BAHD1: variants seen among roughly 807,000 people sequenced by gnomAD.
BAHD1 encodes bromo adjacent homology domain-containing 1 protein.
BAHD1 carries 20 observed loss-of-function variants against 63.1 expected under a neutral mutation model. The observed-to-expected ratio is 0.32, with a 90% confidence interval of 0.22 to 0.46. The LOEUF is 0.46. Ranked by LOEUF, BAHD1 falls within the 20% of genes least tolerant of loss-of-function variation. The pLI is 1.00. For synonymous variants in BAHD1, 408 were observed against 426.8 expected (o/e 0.96, Z 0.54); for missense variants, 939 against 1,071.8 (o/e 0.88, Z 1.73).
At chr15:40,439,142 CTTTGGGGT>C (rs1367132200), upstream of BAHD1, among the ~76,000 whole-genome samples, 1 of 152,240 alleles carries the variant, frequency 6.6e-6, no homozygotes, top group Non-Finnish European at 1.5e-5. Context: ...ACTTTTACAG[CTTTGGGGT>C]TTTGCTTTCC....
chr15:40,459,524 C>T lies in BAHD1; in HGVS notation c.1060C>T (p.Pro354Ser). 6.2e-7 allele frequency: 1 copy of T among 1,614,098 alleles called. No homozygotes were observed. ...QPSFPTPQLS[P>S]LPMPGNPADY... is the part of the protein sequence containing the mutation. The stretch of plus-strand genomic sequence containing the variant: ...CTCTTTCCCCACACCTCAGCTGTCG[C>T]CGCTGCCGATGCCTGGCAACCCCGC... Residue 354 changes from proline (P) to serine (S), a missense_variant, in exon 2 of 7, where the codon CCG becomes TCG. This residue lies in a region of BAHD1 where 797 missense variants were observed against 813.3 expected (regional missense o/e 0.98). Coordinates refer to ENST00000416165, the MANE Select transcript of BAHD1 (RefSeq NM_014952.5).
chr15:40,458,361 A>G lies in BAHD1; in HGVS notation c.-14-90A>G. ...GGTAGTTGTAGGCCAGGATCACTGC[A>G]CCTGGGGCTGGGTAGGCTGCAGTGG... On this transcript the variant is annotated intron_variant, in intron 1 of 6. Transcript: ENST00000416165. This position sits in a 1 kb window ranked among gnomAD's most constrained non-coding sequence, Gnocchi z 4.7. 1.3e-6 allele frequency: 2 copies of G among 1,482,386 alleles called. No homozygotes were observed. Among genetic ancestry groups the G allele is most frequent in the Admixed American group, 4.6e-5 (2 of 43,316 alleles). The allele number at this position is 1,482,386 out of a possible 1,614,324, so 91.8% of individuals were successfully genotyped here.
chr15:40,457,743 C>G (rs1439127426), intron 1 of BAHD1, among the ~76,000 whole-genome samples: 1 of 152,246 alleles, frequency 6.6e-6, no homozygotes, highest in Non-Finnish European at 1.5e-5. Flanking sequence ...GGGGCAGTGG[C>G]TCACGCCTGT....
At chr15:40,439,771 C>A (rs1893350482), upstream of BAHD1, 1 of 152,322 alleles carries the variant, frequency 6.6e-6, no homozygotes, top group Non-Finnish European at 1.5e-5. Flanking sequence ...AAGTCCTAGG[C>A]GGGCTCTGGC....
rs773337252 is a variant in BAHD1, at chr15:40,458,807, C to T, written c.343C>T (p.Arg115Cys). The T allele has an allele frequency of 3.7e-6, 6 of 1,612,814 alleles. No homozygotes were observed. Among genetic ancestry groups the T allele is most frequent in the East Asian group, 2.2e-5 (1 of 44,888 alleles). The change falls in exon 2 of 7, where the codon CGC becomes TGC. Residue 115 changes from arginine (R) to cysteine (C), a missense_variant. Around this residue, in one of 5 missense-constraint regions of BAHD1, gnomAD observed 797 missense variants for 813.3 expected, o/e 0.98. Transcript: ENST00000416165. The surrounding 1 kb of genome is among the most constrained non-coding windows in gnomAD (Gnocchi z 4.7). ...SSEDPGLAQP[R>C]KRRLASLNAE... ...TGAAGACCCTGGCCTTGCCCAGCCCCGCAAGCGGCGCCTGGCCTCCCTCAA... is the reference window on the plus strand; with the variant it reads ...TGAAGACCCTGGCCTTGCCCAGCCCTGCAAGCGGCGCCTGGCCTCCCTCAA...
chr15:40,459,846 A>C lies in BAHD1; in HGVS notation c.1382A>C (p.His461Pro), dbSNP rs1296633420. ...GGAGTGTTGCCCCTGTCTGTTACCC[A>C]CGCTGGCACTACCTGTGGCGGCTGC... is the stretch of plus-strand genomic sequence containing the variant. The part of the protein sequence containing the change: ...ICGVLPLSVT[H>P]AGTTCGGCPY... The change falls in exon 2 of 7, where the codon CAC becomes CCC. Residue 461 changes from histidine (H) to proline (P), a missense_variant. Physicochemically the swap from His to Pro is moderately conservative, Grantham distance 77. This residue lies in a region of BAHD1 where 797 missense variants were observed against 813.3 expected (regional missense o/e 0.98). Transcript: ENST00000416165. 1 of 1,607,074 alleles carries C rather than the reference A, an allele frequency of 6.2e-7. No individual in the cohort carries two copies. Among genetic ancestry groups the C allele is most frequent in the Non-Finnish European group, 8.5e-7 (1 of 1,176,180 alleles).
upstream of BAHD1, among the ~76,000 whole-genome samples, chr15:40,440,427 C>T (rs1893365249): frequency 6.6e-6 from 1 of 151,928 alleles, no homozygotes; most frequent in African/African-American, 2.4e-5. Flanking sequence ...GGCTGGTCTT[C>T]CTGAAGCTTT....
chr15:40,455,265 A>G (rs536186798), intron 1 of BAHD1, among the ~76,000 whole-genome samples: 31 of 152,324 alleles, frequency 2.0e-4, no homozygotes, highest in Middle Eastern at 3.4e-3. Context: ...CCTGTGATTC[A>G]GACGCTTCCT....
chr15:40,461,035 A>G (rs1894023543), intron 2 of BAHD1, among the ~76,000 whole-genome samples: 1 of 152,282 alleles, frequency 6.6e-6, no homozygotes, highest in African/African-American at 2.4e-5. Context: ...GCTGCTTGGC[A>G]TGTAATTGAG....
upstream of BAHD1, among the ~76,000 whole-genome samples, chr15:40,440,497 A>G (rs1358759192): frequency 7.4e-6 from 1 of 135,888 alleles, no homozygotes; most frequent in Non-Finnish European, 1.6e-5. Flanking sequence ...AGTTTTCTCC[A>G]GCGCGTGCTG....
intron 1 of BAHD1, among the ~76,000 whole-genome samples, chr15:40,441,653 A>G (rs1241087905): frequency 6.9e-6 from 1 of 144,736 alleles, no homozygotes; most frequent in African/African-American, 2.5e-5. Context: ...GGAGGGCGGG[A>G]GGACGCCGGT....
rs2141523027 is a variant in BAHD1 at position 40,458,806 on chromosome 15, C to T, written c.342C>T (p.Pro114=). The T allele has an allele frequency of 6.2e-7, 1 of 1,612,958 alleles. No homozygotes were observed. The highest frequency in any genetic ancestry group is 8.5e-7 in the Non-Finnish European group (1 of 1,179,954). ...PSSEDPGLAQ[P]RKRRLASLNA... is the part of the protein sequence containing the mutation. ...GTGAAGACCCTGGCCTTGCCCAGCC[C>T]CGCAAGCGGCGCCTGGCCTCCCTCA... The change falls in exon 2 of 7, where the codon CCC becomes CCT. Residue 114 remains proline (P), a synonymous_variant. Coordinates refer to ENST00000416165, the MANE Select transcript of BAHD1 (RefSeq NM_014952.5). The surrounding 1 kb of genome is among the most constrained non-coding windows in gnomAD (Gnocchi z 4.7).
Position 40,465,400 on chromosome 15 carries a change from G to T in BAHD1, c.2118G>T (p.Glu706Asp), listed in dbSNP as rs1038984924. 1.9e-6 allele frequency: 3 copies of T among 1,614,168 alleles called. No homozygotes were observed. The highest frequency in any genetic ancestry group is 2.5e-6 in the Non-Finnish European group (3 of 1,180,026). Reference sequence around the variant, plus strand: ...AGAACAGTGTGGCCTGCATTGAGGAGAAGTGCTATGTGCTGACTTTTGCCG... The same window carrying T: ...AGAACAGTGTGGCCTGCATTGAGGATAAGTGCTATGTGCTGACTTTTGCCG... Reference protein sequence around the residue: ...QDQNSVACIEEKCYVLTFAEY... With the variant: ...QDQNSVACIEDKCYVLTFAEY... The change falls in exon 6 of 7, where the codon GAG becomes GAT. Residue 706 changes from glutamate (E) to aspartate (D), a missense_variant. By Grantham distance (45) the Glu-to-Asp change is conservative. Transcript: ENST00000416165.
chr15:40,442,604 T>A (rs1893435718), intron 1 of BAHD1, among the ~76,000 whole-genome samples: 1 of 151,796 alleles, frequency 6.6e-6, no homozygotes, highest in African/African-American at 2.4e-5. Context: ...TTGTCGACAG[T>A]GTTAGAAGTG....
rs953709034 is a variant in BAHD1, at chr15:40,464,634, C to T, written c.2052+87C>T. On this transcript the variant is annotated intron_variant, in intron 5 of 6. Coordinates refer to ENST00000416165, the MANE Select transcript of BAHD1 (RefSeq NM_014952.5). ...TAAGACGTGGTAGGGGGAGGGCAGCCATGGGCTGTAGTCAAATCCCTGCGC... is the reference window on the plus strand; with the variant it reads ...TAAGACGTGGTAGGGGGAGGGCAGCTATGGGCTGTAGTCAAATCCCTGCGC... The T allele has an allele frequency of 1.2e-4, 141 of 1,149,410 alleles. 2 individuals are homozygous for T. The highest frequency in any genetic ancestry group is 1.0e-4 in the Non-Finnish European group (81 of 785,682). The allele number at this position is 1,149,410 out of a possible 1,614,324, so 71.2% of individuals were successfully genotyped here. A position where few individuals can be genotyped will look rare whatever the true frequency, so the allele number is the denominator to read the frequency against.
rs1893556775 is a variant in BAHD1, at chr15:40,446,947, G to A, written c.-15+5679G>A. Reference sequence around the variant, plus strand: ...GCTTTTTCAGCTTCCTGCGTGCAGTGGAGAGGGGCAGCCCACACAGACCCT... The same window carrying A: ...GCTTTTTCAGCTTCCTGCGTGCAGTAGAGAGGGGCAGCCCACACAGACCCT... On this transcript the variant is annotated intron_variant, in intron 1 of 6. Coordinates refer to ENST00000416165, the MANE Select transcript of BAHD1 (RefSeq NM_014952.5). 2.6e-5 allele frequency among the ~76,000 whole-genome samples: 4 copies of A among 152,318 alleles called. No individual in the cohort carries two copies. In the South Asian group the frequency reaches 8.3e-4, roughly 32 times the overall value.
At chr15:40,464,632 G>A in intron 5 of BAHD1, 85 bp downstream of exon 5, 2 of 1,158,350 alleles carry the variant, frequency 1.7e-6, no homozygotes, top group South Asian at 1.3e-5. Context: ...GGGGAGGGCA[G>A]CCATGGGCTG....
Position 40,464,399 on chromosome 15 carries a change from A to G in BAHD1, c.1976-72A>G, listed in dbSNP as rs989239752. 2.2e-6 allele frequency: 3 copies of G among 1,381,974 alleles called. No homozygotes were observed. In the African/African-American group the frequency reaches 4.3e-5, roughly 20 times the overall value. 85.6% of individuals were successfully genotyped at this position (1,381,974 alleles called of 1,614,324 possible). ...GGTTGGATGAACCTCCAGGGCAGCC[A>G]GCCAGCCTCTCTGCCTGTCTAAGTA... On this transcript the variant is annotated intron_variant, in intron 4 of 6. Transcript: ENST00000416165.
At chr15:40,442,888 T>C (rs1244343013) in intron 1 of BAHD1, among the ~76,000 whole-genome samples, 3 of 152,198 alleles carry the variant, frequency 2.0e-5, no homozygotes, top group African/African-American at 7.2e-5. Flanking sequence ...CCACATGTCT[T>C]GGAGGGGCAC....
Sources: gnomAD v4.1 joint callset for allele counts (sites outside exome capture counted in the v4.1 genomes callset) on GRCh38, gnomAD v4.1.1 for gene constraint, gnomAD v4.1.1 regional missense constraint, Gnocchi (gnomAD v3.1) non-coding constraint, MANE v1.5 for transcripts, NCBI Gene and HGNC (gene_info 2026-07-23, HGNC 2026-07-21) for gene names.